Variants in SEMA3E observed in about 807,000 individuals in gnomAD.
SEMA3E encodes semaphorin 3E.
SEMA3E carries 49 observed loss-of-function variants against 93.6 expected under a neutral mutation model. The ratio of observed to expected loss-of-function variants is 0.52; its 90% confidence interval spans 0.42 to 0.66. The LOEUF is 0.66. SEMA3E is among the 30% of genes least tolerant of loss of function. SEMA3E has a pLI of 0.00. For synonymous variants in SEMA3E, 363 were observed against 330.7 expected, an observed-to-expected ratio of 1.10 and a Z score of -1.06; for missense variants, 906 against 964.8, an observed-to-expected ratio of 0.94 and a Z score of 0.81.
chr7:83,526,169 G>A (rs774494749), intron 1 of SEMA3E, among the ~76,000 whole-genome samples: 11 of 152,064 alleles, frequency 7.2e-5, no homozygotes, highest in Non-Finnish European at 1.0e-4. Context: ...AGGATATCAT[G>A]TTGACTGTTA....
chr7:83,607,073 A>T (rs1793140133), intron 1 of SEMA3E, among the ~76,000 whole-genome samples: 1 of 152,182 alleles, frequency 6.6e-6, no homozygotes, highest in Admixed American at 6.6e-5. Context: ...GCAACTGGAA[A>T]TAGTTCCTAT....
intron 4 of SEMA3E, among the ~76,000 whole-genome samples, chr7:83,439,408 A>T (rs1410107391): frequency 6.6e-6 from 1 of 152,224 alleles, no homozygotes; most frequent in African/African-American, 2.4e-5. Flanking sequence ...AGTCTCAACA[A>T]AGGAAATTTT....
chr7:83,381,016 A>C (rs1418368421), intron 16 of SEMA3E, among the ~76,000 whole-genome samples: 1 of 151,988 alleles, frequency 6.6e-6, no homozygotes, highest in African/African-American at 2.4e-5. Context: ...TTAAGCATGA[A>C]GATTTATACT....
chr7:83,623,857 T>C (rs1316572159), intron 1 of SEMA3E, among the ~76,000 whole-genome samples: 3 of 151,814 alleles, frequency 2.0e-5, no homozygotes, highest in African/African-American at 7.3e-5. Context: ...GTATTTTTCC[T>C]ATGGCTATCC....
At chr7:83,384,453 C>G (rs941602485) in intron 16 of SEMA3E, among the ~76,000 whole-genome samples, 1 of 151,032 alleles carries the variant, frequency 6.6e-6, no homozygotes, top group African/African-American at 2.4e-5. Context: ...TTTCAATATT[C>G]ATCATTTAAT....
intron 4 of SEMA3E, among the ~76,000 whole-genome samples, chr7:83,453,948 ATTT>A (rs1789419861): frequency 2.0e-5 from 3 of 151,786 alleles, no homozygotes; most frequent in South Asian, 4.2e-4. Flanking sequence ...TAATATTTTT[ATTT>A]TTACCTACTA....
At chr7:83,389,860 T>C (rs1433078580) in intron 14 of SEMA3E, among the ~76,000 whole-genome samples, 1 of 75,280 alleles carries the variant, frequency 1.3e-5, no homozygotes, top group Non-Finnish European at 2.6e-5. Context: ...TATATACACG[T>C]ATATATTACA....
At chr7:83,377,328 A>G (rs1018663153) in intron 16 of SEMA3E, among the ~76,000 whole-genome samples, 3 of 152,006 alleles carry the variant, frequency 2.0e-5, no homozygotes, top group African/African-American at 7.2e-5. Flanking sequence ...TTACTTGTGT[A>G]TGCATTTTCA....
intron 1 of SEMA3E, among the ~76,000 whole-genome samples, chr7:83,572,750 A>C (rs1200017163): frequency 1.3e-5 from 2 of 152,194 alleles, no homozygotes. Context: ...GTCTTTGACA[A>C]AGTTGACAAA....
At chr7:83,457,532 TAA>T (rs1157468153) in intron 4 of SEMA3E, among the ~76,000 whole-genome samples, 5 of 152,208 alleles carry the variant, frequency 3.3e-5, no homozygotes, top group Non-Finnish European at 5.9e-5. Flanking sequence ...GACAAAATGC[TAA>T]GTTACAGAAA....
At chr7:83,531,107 C>T (rs1399792547) in intron 1 of SEMA3E, among the ~76,000 whole-genome samples, 5 of 151,868 alleles carry the variant, frequency 3.3e-5, no homozygotes, top group African/African-American at 7.3e-5. Flanking sequence ...TCTTAGTACA[C>T]ATTATCAATA....
intron 1 of SEMA3E, among the ~76,000 whole-genome samples, chr7:83,526,329 GATTTC>G (rs1275833477): frequency 6.6e-6 from 1 of 151,946 alleles, no homozygotes; most frequent in Non-Finnish European, 1.5e-5. Flanking sequence ...TTGTTTCCCT[GATTTC>G]AGTCCAGTAC....
intron 12 of SEMA3E, among the ~76,000 whole-genome samples, chr7:83,394,563 A>T (rs1584217068): frequency 1.4e-5 from 2 of 140,506 alleles, no homozygotes; most frequent in African/African-American, 4.9e-5. Context: ...AGCAGCAGGA[A>T]ATCTAACCAG....
chr7:83,425,203 A>T (rs1248369324), intron 4 of SEMA3E, among the ~76,000 whole-genome samples: 2 of 150,218 alleles, frequency 1.3e-5, no homozygotes, highest in African/African-American at 5.0e-5. Context: ...GAATGTTAAC[A>T]TTATACTATT....
chr7:83,472,056 G>T (rs1000415329), intron 2 of SEMA3E, among the ~76,000 whole-genome samples: 1 of 152,050 alleles, frequency 6.6e-6, no homozygotes, highest in Non-Finnish European at 1.5e-5. Context: ...CTCTCCCAGC[G>T]ATGGATACCC....
intron 1 of SEMA3E, among the ~76,000 whole-genome samples, chr7:83,504,460 C>T (rs780445214): frequency 6.6e-6 from 1 of 152,170 alleles, no homozygotes; most frequent in Non-Finnish European, 1.5e-5. Flanking sequence ...TTACGTGCCT[C>T]AATTACTGTA....
intron 2 of SEMA3E, among the ~76,000 whole-genome samples, chr7:83,481,610 C>G (rs1206164158): frequency 1.3e-5 from 2 of 152,056 alleles, no homozygotes; most frequent in Non-Finnish European, 2.9e-5. Flanking sequence ...GCTTTAGCAT[C>G]AGCACTGAGT....
At chr7:83,395,674 T>A (rs1788105320) in intron 12 of SEMA3E, among the ~76,000 whole-genome samples, 1 of 152,152 alleles carries the variant, frequency 6.6e-6, no homozygotes. Context: ...TGCTTTTTGT[T>A]GATGTTTTGT....
intron 4 of SEMA3E, among the ~76,000 whole-genome samples, chr7:83,436,887 A>G (rs1249531158): frequency 6.6e-6 from 1 of 152,204 alleles, no homozygotes; most frequent in Non-Finnish European, 1.5e-5. Flanking sequence ...GGCAATTTAC[A>G]AAATAAAGAG....
Sources: gnomAD v4.1 joint callset for allele counts (sites outside exome capture counted in the v4.1 genomes callset) on GRCh38, gnomAD v4.1.1 for gene constraint, MANE v1.5 for transcripts, NCBI Gene and HGNC (gene_info 2026-07-23, HGNC 2026-07-21) for gene names.